PARP15: variants seen among roughly 807,000 people sequenced by gnomAD.
The protein encoded by PARP15 is poly(ADP-ribose) polymerase family member 15.
A neutral mutation model predicts 62.1 loss-of-function variants in PARP15; 50 were observed. The observed-to-expected ratio is 0.81, with a 90% CI of 0.64 to 1.02. The LOEUF (loss-of-function observed/expected upper bound fraction) is 1.02. Ranked by LOEUF, PARP15 falls within the 50% of genes least tolerant of loss-of-function variation. The pLI, the probability that PARP15 is intolerant of heterozygous loss-of-function variation, is 0.00. For missense variants in PARP15, 820 were observed against 826.5 expected, an observed-to-expected ratio of 0.99 and a Z score of 0.10; for synonymous variants, 309 against 293.1, an observed-to-expected ratio of 1.05 and a Z score of -0.55.
intron 1 of PARP15, among the ~76,000 whole-genome samples, chr3:122,590,863 C>T (rs4677962): frequency 0.72 from 109,383 of 152,124 alleles, 39,429 homozygotes; most frequent in Non-Finnish European, 0.75. Flanking sequence ...GTTACATCTG[C>T]AGACTGCCCT....
chr3:122,585,479 C>G (rs113271179), intron 1 of PARP15, among the ~76,000 whole-genome samples: 2 of 152,294 alleles, frequency 1.3e-5, no homozygotes, highest in African/African-American at 4.8e-5. Flanking sequence ...GGAGTGACAT[C>G]AGGACTTTAT....
chr3:122,587,859 C>T lies in PARP15; in HGVS notation c.186+10006C>T, dbSNP rs115771418. 8.8e-3 allele frequency among the ~76,000 whole-genome samples: 1,335 copies of T among 152,290 alleles called. 21 individuals carry two copies. Among genetic ancestry groups the T allele is most frequent in the African/African-American group, 0.031 (1,272 of 41,552 alleles). On this transcript the variant is annotated intron_variant, in intron 1 of 11. Coordinates refer to ENST00000464300, the MANE Select transcript of PARP15 (RefSeq NM_001113523.3). ...TTGAATTTGCAACTCACTAACATGA[C>T]ATTGTGCATCTTTTCATATGCTTAT... is the stretch of plus-strand genomic sequence containing the variant.
chr3:122,598,471 T>C (rs1353102792), intron 1 of PARP15, among the ~76,000 whole-genome samples: 1 of 152,142 alleles, frequency 6.6e-6, no homozygotes, highest in Non-Finnish European at 1.5e-5. Context: ...TGTCAGACAC[T>C]ACAGTCCCTT....
At position 122,620,674 on chromosome 3, in the gene PARP15, C is replaced by G. The variant is rs1473675276; in HGVS notation, c.1064-770C>G. Among the ~76,000 whole-genome samples, 10 of 131,342 alleles carry G rather than the reference C, an allele frequency of 7.6e-5. No homozygotes were observed. In the Admixed American group the frequency reaches 9.4e-4, roughly 12 times the overall value. The allele number at this position is 131,342 out of a possible 152,430, so 86.2% of individuals were successfully genotyped here. On this transcript the variant is annotated intron_variant, in intron 7 of 11. Coordinates refer to ENST00000464300, the MANE Select transcript of PARP15 (RefSeq NM_001113523.3). ...GCTCGCTGTGCCTGGGAGGCAGGAG[C>G]AGAGGATGAAGGTGGGCTGGACAAG...
At chr3:122,632,294 C>T in intron 10 of PARP15, 75 bp downstream of exon 10, 6 of 1,371,964 alleles carry the variant, frequency 4.4e-6, no homozygotes, top group Non-Finnish European at 5.0e-6. Context: ...TTAAATAACA[C>T]CCTTCCTTCC....
chr3:122,586,226 G>A lies in PARP15; in HGVS notation c.186+8373G>A, dbSNP rs200585709. On this transcript the variant is annotated intron_variant, in intron 1 of 11. Transcript: ENST00000464300. ...ATTCTTAATATTTCATATGTTAAAC[G>A]TATTTTTTTTTTTCCTATCACCTCT... Among the ~76,000 whole-genome samples the A allele has an allele frequency of 9.5e-3, 201 of 21,202 alleles. 4 individuals carry two copies. In the East Asian group the frequency reaches 0.17, roughly 17 times the overall value. The allele number at this position is 21,202 out of a possible 152,430, so 13.9% of individuals were successfully genotyped here. A position where few individuals can be genotyped will look rare whatever the true frequency, so the allele number is the denominator to read the frequency against.
chr3:122,633,933 A>G (rs1302350195), intron 10 of PARP15, among the ~76,000 whole-genome samples: 8 of 152,196 alleles, frequency 5.3e-5, no homozygotes, highest in Admixed American at 5.2e-4. Context: ...TTACTAATTC[A>G]TGGTCCCCAG....
chr3:122,615,088 G>A, intron 4 of PARP15: 1 of 973,880 alleles, frequency 1.0e-6, no homozygotes, highest in African/African-American at 1.8e-5. Context: ...AAAAGAAAAA[G>A]TAGAAACAGT....
chr3:122,624,848 T>C (rs1182609881), intron 8 of PARP15, among the ~76,000 whole-genome samples: 1 of 152,154 alleles, frequency 6.6e-6, no homozygotes, highest in Non-Finnish European at 1.5e-5. Context: ...TGTATACTTA[T>C]TCTTTTTCTG....
chr3:122,605,725 C>T (rs1935115947), intron 1 of PARP15, among the ~76,000 whole-genome samples: 1 of 152,044 alleles, frequency 6.6e-6, no homozygotes, highest in African/African-American at 2.4e-5. Flanking sequence ...AGGCACATGC[C>T]ACTGAGCCCG....
At chr3:122,628,786 T>G (rs1936890783) in intron 9 of PARP15, among the ~76,000 whole-genome samples, 2 of 151,682 alleles carry the variant, frequency 1.3e-5, no homozygotes, top group Admixed American at 1.3e-4. Flanking sequence ...ACAACTGCAT[T>G]ACGTCATCTT....
rs1937440224 is a variant in PARP15, at chr3:122,637,633, A to C, written c.*1533A>C. On this transcript the variant is annotated 3_prime_UTR_variant, in exon 12 of 12. Coordinates refer to ENST00000464300, the MANE Select transcript of PARP15 (RefSeq NM_001113523.3). The stretch of plus-strand genomic sequence containing the variant: ...TTAAAGAGAACAGAAAAGTATAAAG[A>C]AAAATAACTCACCAAACTCACTCAT... The C allele has an allele frequency of 6.6e-6, 1 of 152,202 alleles. No individual in the cohort carries two copies. The highest frequency in any genetic ancestry group is 2.4e-5 in the African/African-American group (1 of 41,456). 9.4% of individuals were successfully genotyped at this position (152,202 alleles called of 1,614,324 possible). A position where few individuals can be genotyped will look rare whatever the true frequency, so the allele number is the denominator to read the frequency against.
intron 2 of PARP15, 93 bp downstream of exon 2, chr3:122,606,148 C>T: frequency 1.5e-6 from 2 of 1,375,426 alleles, no homozygotes; most frequent in Non-Finnish European, 2.0e-6. Flanking sequence ...TGTTCTTTAT[C>T]TTAATCAAAG....
rs1476377258 is a variant in PARP15, at chr3:122,615,294, G to T, written c.772-485G>T. The T allele has an allele frequency of 2.3e-6, 3 of 1,289,496 alleles. No individual in the cohort carries two copies. In the African/African-American group the frequency reaches 4.6e-5, roughly 20 times the overall value. 79.9% of individuals were successfully genotyped at this position (1,289,496 alleles called of 1,614,324 possible). On this transcript the variant is annotated intron_variant, in intron 4 of 11. Coordinates refer to ENST00000464300, the MANE Select transcript of PARP15 (RefSeq NM_001113523.3). ...TTCGTGTTTTCATTCAGGAGGCTTT[G>T]GCTGGACCTAAGAGATGAAGCATAC... is the stretch of plus-strand genomic sequence containing the variant.
intron 1 of PARP15, chr3:122,594,695 C>A: frequency 1.1e-6 from 1 of 928,428 alleles, no homozygotes; most frequent in Non-Finnish European, 1.3e-6. Context: ...AATCTATTTT[C>A]TTCTAATATG....
At chr3:122,628,334 AG>A (rs1237993576) in intron 9 of PARP15, among the ~76,000 whole-genome samples, 3 of 152,184 alleles carry the variant, frequency 2.0e-5, no homozygotes, top group Non-Finnish European at 4.4e-5. Context: ...CTTCAGCTAG[AG>A]GGGGTCACCA....
At chr3:122,632,356 A>G (rs1023721972) in intron 10 of PARP15, 137 bp downstream of exon 10, 4 of 824,276 alleles carry the variant, frequency 4.9e-6, no homozygotes, top group East Asian at 2.7e-5. Flanking sequence ...CTCAAGTTCC[A>G]TAGACTTCAA....
At chr3:122,587,624 G>C (rs906298944) in intron 1 of PARP15, among the ~76,000 whole-genome samples, 1 of 152,140 alleles carries the variant, frequency 6.6e-6, no homozygotes, top group Non-Finnish European at 1.5e-5. Flanking sequence ...AACCTCCTGG[G>C]ATCAAGTGAT....
intron 10 of PARP15, among the ~76,000 whole-genome samples, chr3:122,632,499 A>G (rs1323087201): frequency 6.6e-6 from 1 of 152,234 alleles, no homozygotes; most frequent in African/African-American, 2.4e-5. Context: ...TTGGAAATTA[A>G]TGGAAAGTCC....
Sources: gnomAD v4.1 joint callset for allele counts (sites outside exome capture counted in the v4.1 genomes callset) on GRCh38, gnomAD v4.1.1 for gene constraint, MANE v1.5 for transcripts, NCBI Gene and HGNC (gene_info 2026-07-23, HGNC 2026-07-21) for gene names.